Variants in EHBP1 observed in about 807,000 individuals in gnomAD.
EHBP1 encodes the protein EH domain binding protein 1, also known as EH domain-binding protein 1.
Under a neutral mutation model 144.0 loss-of-function variants are expected in EHBP1, and 55 were observed. That is an observed-to-expected ratio of 0.38 (90% CI 0.31 to 0.48). The LOEUF (loss-of-function observed/expected upper bound fraction) is 0.48. Ranked by LOEUF, EHBP1 falls within the 20% of genes least tolerant of loss-of-function variation. The pLI is 0.98. For synonymous variants in EHBP1, 469 were observed against 472.7 expected (o/e 0.99, Z 0.10); for missense variants, 1,200 against 1,364.2 (o/e 0.88, Z 1.90).
At chr2:62,930,737 A>T (rs2055920238) in intron 10 of EHBP1, among the ~76,000 whole-genome samples, 2 of 152,194 alleles carry the variant, frequency 1.3e-5, no homozygotes, top group Admixed American at 1.3e-4. Context: ...AAGGTCAGTG[A>T]TTTTCAACAA....
intron 3 of EHBP1, among the ~76,000 whole-genome samples, chr2:62,758,220 T>A (rs969417664): frequency 6.6e-6 from 1 of 152,124 alleles, no homozygotes; most frequent in African/African-American, 2.4e-5. Flanking sequence ...GCAATTCTCA[T>A]GCCTCAGCCT....
intron 3 of EHBP1, among the ~76,000 whole-genome samples, chr2:62,751,549 A>G (rs752699601): frequency 4.6e-5 from 7 of 152,190 alleles, no homozygotes; most frequent in Admixed American, 1.3e-4. Context: ...GAATAGTTTC[A>G]GAAGGAATAG....
At chr2:62,859,326 A>G (rs775044687) in intron 8 of EHBP1, 35 bp downstream of exon 8, 8 of 1,572,474 alleles carry the variant, frequency 5.1e-6, no homozygotes, top group East Asian at 2.3e-5. Context: ...AAGTCTTTGT[A>G]TAGTCAAGTT....
At chr2:62,739,249 T>G (rs2038451896) in intron 2 of EHBP1, among the ~76,000 whole-genome samples, 1 of 152,206 alleles carries the variant, frequency 6.6e-6, no homozygotes, top group Admixed American at 6.5e-5. Context: ...CCAGGAAATC[T>G]CTTGAGACCC....
chr2:62,798,572 G>T (rs1186019477), intron 5 of EHBP1, among the ~76,000 whole-genome samples: 2 of 152,124 alleles, frequency 1.3e-5, no homozygotes, highest in African/African-American at 4.8e-5. Context: ...TCTATAAAAT[G>T]AAGATAATAA....
At chr2:62,882,234 C>T (rs1348856517) in intron 10 of EHBP1, among the ~76,000 whole-genome samples, 1 of 152,164 alleles carries the variant, frequency 6.6e-6, no homozygotes, top group South Asian at 2.1e-4. Context: ...AGTCAATCTC[C>T]AAGTGTTTGT....
At chr2:62,708,202 G>C (rs1183477830) in intron 2 of EHBP1, among the ~76,000 whole-genome samples, 2 of 151,930 alleles carry the variant, frequency 1.3e-5, no homozygotes, top group African/African-American at 4.8e-5. Context: ...CTTTATTCTA[G>C]AACTCTTATA....
intron 5 of EHBP1, among the ~76,000 whole-genome samples, chr2:62,810,400 G>C (rs955780359): frequency 6.6e-6 from 1 of 152,218 alleles, no homozygotes; most frequent in African/African-American, 2.4e-5. Context: ...AGAAGTGACA[G>C]TAGAGATGGG....
intron 14 of EHBP1, among the ~76,000 whole-genome samples, chr2:62,975,808 C>T (rs1007700614): frequency 1.3e-5 from 2 of 151,152 alleles, no homozygotes; most frequent in African/African-American, 4.9e-5. Flanking sequence ...GTGGGAGGAT[C>T]GCTTGAGCCT....
chr2:62,771,594 C>CT lies in EHBP1; in HGVS notation c.312+204dup, dbSNP rs1360708329. 7.2e-6 allele frequency: 3 copies of CT among 414,778 alleles called. No homozygotes were observed. The East Asian group carries it at 1.2e-4, about 17-fold the overall frequency. 25.7% of individuals were successfully genotyped at this position (414,778 alleles called of 1,614,324 possible). ...AAATGCTTTTATTAACACTGTAAGT[C>CT]TTCAATACTAAATTGTATGTATGTT... On this transcript the variant is annotated intron_variant, in intron 5 of 22. Transcript: ENST00000431489.
intron 9 of EHBP1, among the ~76,000 whole-genome samples, chr2:62,872,269 AT>A (rs1196226879): frequency 6.2e-4 from 92 of 148,206 alleles, no homozygotes; most frequent in African/African-American, 2.0e-3. Flanking sequence ...TTCTCCTAAT[AT>A]AACCGATGAA....
chr2:62,993,075 A>C (rs539989000), intron 16 of EHBP1, among the ~76,000 whole-genome samples: 63 of 152,300 alleles, frequency 4.1e-4, no homozygotes, highest in African/African-American at 1.4e-3. Flanking sequence ...GCTTACTTAC[A>C]AATCTGGCTT....
intron 7 of EHBP1, among the ~76,000 whole-genome samples, chr2:62,850,431 C>A (rs1031732304): frequency 3.3e-5 from 5 of 152,032 alleles, no homozygotes; most frequent in African/African-American, 1.2e-4. Context: ...TTTCGATCTT[C>A]TTTTGCCTTC....
At chr2:62,919,098 C>T (rs1304166331) in intron 10 of EHBP1, among the ~76,000 whole-genome samples, 4 of 152,120 alleles carry the variant, frequency 2.6e-5, no homozygotes, top group African/African-American at 9.7e-5. Context: ...CTTGTAGAAG[C>T]CAAGGTGGGA....
intron 5 of EHBP1, among the ~76,000 whole-genome samples, chr2:62,789,964 G>A (rs1347252312): frequency 2.0e-5 from 3 of 152,104 alleles, no homozygotes; most frequent in East Asian, 1.9e-4. Flanking sequence ...TGATGTCAGC[G>A]AATATAATTT....
chr2:62,698,153 A>G (rs1186633311), intron 1 of EHBP1, among the ~76,000 whole-genome samples: 1 of 152,212 alleles, frequency 6.6e-6, no homozygotes, highest in Non-Finnish European at 1.5e-5. Context: ...AGAATAAGAG[A>G]AGTTGAACAG....
At chr2:62,799,526 C>G (rs2043822139) in intron 5 of EHBP1, among the ~76,000 whole-genome samples, 1 of 152,116 alleles carries the variant, frequency 6.6e-6, no homozygotes, top group Non-Finnish European at 1.5e-5. Context: ...AATGCTGTGC[C>G]TAAGACATCA....
At chr2:62,811,202 A>G (rs1338331246) in intron 5 of EHBP1, among the ~76,000 whole-genome samples, 2 of 152,122 alleles carry the variant, frequency 1.3e-5, no homozygotes, top group African/African-American at 2.4e-5. Context: ...CTTCCATCCG[A>G]CCATCTAAGT....
chr2:62,998,413 A>G (rs2059723781), intron 19 of EHBP1, among the ~76,000 whole-genome samples: 2 of 152,166 alleles, frequency 1.3e-5, no homozygotes, highest in African/African-American at 4.8e-5. Context: ...TTTGTAATAT[A>G]TTTTTAACTA....
Sources: allele counts gnomAD v4.1 joint callset (sites outside exome capture counted in the v4.1 genomes callset), GRCh38; gene constraint gnomAD v4.1.1; transcripts MANE v1.5; gene names NCBI Gene and HGNC (gene_info 2026-07-23, HGNC 2026-07-21).